The following PAN3 variants were observed in gnomAD, a reference collection of about 807,000 sequenced individuals.
PAN3 encodes the protein poly(A) specific ribonuclease subunit PAN3.
A neutral mutation model predicts 96.2 loss-of-function variants in PAN3; 19 were observed. That is an observed-to-expected ratio of 0.20 (90% CI 0.14 to 0.29). The LOEUF is 0.29. Among genes scored for constraint, PAN3 ranks in the 10% least tolerant of loss-of-function variants. The pLI, the probability that PAN3 is intolerant of heterozygous loss-of-function variation, is 1.00. For synonymous variants in PAN3, 433 were observed against 406.6 expected (o/e 1.06, Z -0.78); for missense variants, 882 against 1,108.1 (o/e 0.80, Z 2.90).
chr13:28,144,718 CTT>C lies in PAN3; in HGVS notation c.430+5651_430+5652del, dbSNP rs1555267660. ...TATCAAAAGCAAACCAAAACATCAT[CTT>C]TTTTTTTTTTTTTTTTTTTCCTCAG... On this transcript the variant is annotated intron_variant, in intron 1 of 18. Transcript: ENST00000380958. Among the ~76,000 whole-genome samples the C allele has an allele frequency of 1.9e-4, 9 of 46,772 alleles. 1 individual carries two copies. Among genetic ancestry groups the C allele is most frequent in the African/African-American group, 4.2e-4 (6 of 14,386 alleles). The allele number at this position is 46,772 out of a possible 152,430, so 30.7% of individuals were successfully genotyped here.
At chr13:28,177,798 A>G in intron 3 of PAN3, 67 bp from the exon 4 acceptor site, 1 of 1,276,256 alleles carries the variant, frequency 7.8e-7, no homozygotes, top group Non-Finnish European at 1.1e-6. Flanking sequence ...TTGTCAAATT[A>G]AACAGTTATT....
In PAN3 at chr13:28,177,916, A is replaced by C; in HGVS notation, c.671A>C (p.Asn224Thr). 1 of 1,611,424 alleles carries C rather than the reference A, an allele frequency of 6.2e-7. No homozygotes were observed. The highest frequency in any genetic ancestry group is 2.2e-5 in the East Asian group (1 of 44,784). Residue 224 changes from asparagine to threonine, a missense_variant, in exon 4 of 19, where the codon AAC becomes ACC. This residue lies in a region of PAN3 where 442 missense variants were observed against 422.8 expected (regional missense o/e 1.05). Coordinates refer to ENST00000380958, the MANE Select transcript of PAN3 (RefSeq NM_175854.8). ...SSLFNDFGAL[N>T]ISQRRKPRKY... ...TTGTTTAATGACTTTGGTGCCCTCA[A>C]CATCTCTCAGAGACGAAAGGTAGGT... is the stretch of plus-strand genomic sequence containing the variant.
rs775785208 is a variant in PAN3, at chr13:28,277,419, C to T, written c.2189+43C>T. 2.5e-5 allele frequency: 39 copies of T among 1,557,448 alleles called. No individual in the cohort carries two copies. In the East Asian group the frequency reaches 4.6e-4, roughly 18 times the overall value. ...ATAAATTGTACAGAATGATTATTTG[C>T]GATAAGACAGAGCTTTTTTTGTTTT... On this transcript the variant is annotated intron_variant, in intron 15 of 18. Coordinates refer to ENST00000380958, the MANE Select transcript of PAN3 (RefSeq NM_175854.8).
chr13:28,164,016 C>T (rs1230473617), intron 1 of PAN3, among the ~76,000 whole-genome samples: 1 of 152,078 alleles, frequency 6.6e-6, no homozygotes, highest in Admixed American at 6.6e-5. Flanking sequence ...TTTCCTCAGC[C>T]TGGGAGGCAG....
chr13:28,283,945 C>T (rs116856050), intron 17 of PAN3, among the ~76,000 whole-genome samples: 3,022 of 152,234 alleles, frequency 0.02, 35 homozygotes, highest in Middle Eastern at 0.037. Flanking sequence ...TTCCCCAGTT[C>T]CCTATAGGTG....
intron 5 of PAN3, chr13:28,215,197 T>C: frequency 1.4e-6 from 1 of 713,214 alleles, no homozygotes; most frequent in Admixed American, 1.8e-5. Context: ...GGAACCACAC[T>C]GCTTGAGGCT....
intron 9 of PAN3, among the ~76,000 whole-genome samples, chr13:28,263,443 C>T (rs564660373): frequency 6.6e-6 from 1 of 152,374 alleles, no homozygotes; most frequent in African/African-American, 2.4e-5. Flanking sequence ...AGCAGTCCTC[C>T]TACTTCAGCC....
At position 28,267,081 on chromosome 13, in the gene PAN3, A is replaced by G; in HGVS notation, c.1574-14A>G. On this transcript the variant is annotated splice_polypyrimidine_tract_variant and intron_variant, in intron 10 of 18. Transcript: ENST00000380958. ...TCAATTAGAGTTTACTGGAGTAGAA[A>G]AATTGTCTTCCAGGTTTTCGTCTTG... 2 of 1,583,770 alleles carry G rather than the reference A, an allele frequency of 1.3e-6. No individual in the cohort carries two copies. Among genetic ancestry groups the G allele is most frequent in the Non-Finnish European group, 1.7e-6 (2 of 1,161,450 alleles).
intron 6 of PAN3, among the ~76,000 whole-genome samples, chr13:28,240,316 A>G (rs1359578484): frequency 6.6e-6 from 1 of 152,116 alleles, no homozygotes; most frequent in African/African-American, 2.4e-5. Flanking sequence ...TCATACCCTA[A>G]TTTTCTGGGC....
At chr13:28,232,327 G>A (rs984896748) in intron 6 of PAN3, among the ~76,000 whole-genome samples, 2 of 152,104 alleles carry the variant, frequency 1.3e-5, no homozygotes, top group African/African-American at 2.4e-5. Flanking sequence ...AGTTTACCCC[G>A]AATCTAGATG....
intron 6 of PAN3, among the ~76,000 whole-genome samples, chr13:28,254,486 G>A (rs1243582996): frequency 6.6e-6 from 1 of 152,028 alleles, no homozygotes; most frequent in East Asian, 1.9e-4. Flanking sequence ...GTTTATTTTG[G>A]AAAGTCTTAG....
intron 5 of PAN3, chr13:28,214,933 C>T (rs1188353266): frequency 7.4e-7 from 1 of 1,352,582 alleles, no homozygotes; most frequent in Non-Finnish European, 1.0e-6. Context: ...GCCCTTCTGG[C>T]TTACACACTG....
intron 5 of PAN3, among the ~76,000 whole-genome samples, chr13:28,202,658 TACACACAC>T (rs140754799): frequency 6.7e-6 from 1 of 150,000 alleles, no homozygotes; most frequent in African/African-American, 2.4e-5. Flanking sequence ...TATATATGTA[TACACACAC>T]ACACACACAC....
chr13:28,195,633 T>C (rs1877958295), intron 4 of PAN3, among the ~76,000 whole-genome samples: 1 of 152,178 alleles, frequency 6.6e-6, no homozygotes, highest in African/African-American at 2.4e-5. Context: ...CCTTCCAGGC[T>C]CAAGTGATTT....
At chr13:28,152,979 G>A (rs1384986419) in intron 1 of PAN3, among the ~76,000 whole-genome samples, 1 of 152,092 alleles carries the variant, frequency 6.6e-6, no homozygotes, top group Non-Finnish European at 1.5e-5. Flanking sequence ...AATTTAAGAT[G>A]TCCACATCCT....
intron 16 of PAN3, 126 bp from the exon 17 acceptor site, chr13:28,281,189 G>C (rs1231942321): frequency 2.9e-6 from 2 of 694,108 alleles, no homozygotes; most frequent in Admixed American, 2.6e-5. Flanking sequence ...TAACCAAAAG[G>C]TGGGGATGTT....
intron 17 of PAN3, 93 bp from the exon 18 acceptor site, chr13:28,287,887 TGGGA>T: frequency 8.0e-7 from 1 of 1,250,406 alleles, no homozygotes; most frequent in Non-Finnish European, 1.1e-6. Flanking sequence ...TTTTGTTTAT[TGGGA>T]AAAAGTAAAA....
At chr13:28,154,945 C>T (rs376194461) in intron 1 of PAN3, among the ~76,000 whole-genome samples, 2 of 151,676 alleles carry the variant, frequency 1.3e-5, no homozygotes, top group Non-Finnish European at 1.5e-5. Context: ...CTCAGCCTCC[C>T]GAGTAGCTGG....
At chr13:28,270,914 T>G (rs754255505) in intron 13 of PAN3, 48 bp downstream of exon 13, 19 of 1,534,974 alleles carry the variant, frequency 1.2e-5, no homozygotes, top group Non-Finnish European at 1.7e-5. Flanking sequence ...GTCTTACCTT[T>G]GACAGCTTAG....
Sources: allele counts gnomAD v4.1 joint callset (sites outside exome capture counted in the v4.1 genomes callset), GRCh38; gene constraint gnomAD v4.1.1; regional missense constraint gnomAD v4.1.1; transcripts MANE v1.5; gene names NCBI Gene and HGNC (gene_info 2026-07-23, HGNC 2026-07-21).